The following SCARA3 variants were observed in gnomAD, a reference collection of about 807,000 sequenced individuals.
SCARA3 encodes cellular stress response gene protein.
SCARA3 carries 39 observed loss-of-function variants against 47.0 expected under a neutral mutation model. The ratio of observed to expected loss-of-function variants is 0.83; its 90% confidence interval spans 0.64 to 1.08. The LOEUF (loss-of-function observed/expected upper bound fraction) is 1.08, where lower values mean the gene tolerates loss of function less well. SCARA3 is among the 50% of genes least tolerant of loss of function. The pLI is 0.00. For synonymous variants in SCARA3, 356 were observed against 334.1 expected (o/e 1.07, Z -0.71); for missense variants, 724 against 792.3 (o/e 0.91, Z 1.04).
chr8:27,682,158 C>T, the SCARA3 span, among the ~76,000 whole-genome samples: 2 of 151,982 alleles, frequency 1.3e-5, no homozygotes, highest in African/African-American at 4.8e-5. Context: ...TTTACAAAGG[C>T]ACCAGAAGAA....
At chr8:27,699,490 C>A in the SCARA3 span, among the ~76,000 whole-genome samples, 1 of 152,070 alleles carries the variant, frequency 6.6e-6, no homozygotes. Flanking sequence ...CAGGCGTAAG[C>A]CACTGTGCCA....
At chr8:27,650,006 T>G (rs1335094903) in intron 2 of SCARA3, among the ~76,000 whole-genome samples, 1 of 152,170 alleles carries the variant, frequency 6.6e-6, no homozygotes, top group Non-Finnish European at 1.5e-5. Context: ...ATGTTTTTTT[T>G]TCTTAAAGAC....
the SCARA3 span, among the ~76,000 whole-genome samples, chr8:27,700,006 T>A: frequency 3.7e-3 from 571 of 152,310 alleles, 5 homozygotes; most frequent in African/African-American, 0.013. Flanking sequence ...TTACCTCATA[T>A]AATACACAAA....
At chr8:27,688,566 C>T in the SCARA3 span, among the ~76,000 whole-genome samples, 11 of 151,918 alleles carry the variant, frequency 7.2e-5, no homozygotes, top group Admixed American at 2.0e-4. Context: ...CATGGTGGCA[C>T]GTGCCTATAG....
At chr8:27,732,243 T>C in the SCARA3 span, among the ~76,000 whole-genome samples, 1 of 152,216 alleles carries the variant, frequency 6.6e-6, no homozygotes, top group Non-Finnish European at 1.5e-5. Context: ...TGTGTTTTTT[T>C]TTCAGCGTTA....
chr8:27,634,376 G>T (rs1037696370), intron 1 of SCARA3, among the ~76,000 whole-genome samples, 169 bp downstream of exon 1: 8 of 152,154 alleles, frequency 5.3e-5, no homozygotes, highest in Admixed American at 5.2e-4. Flanking sequence ...GATCCCTGAA[G>T]ACCAGAGGAA....
chr8:27,717,763 A>T, the SCARA3 span, among the ~76,000 whole-genome samples: 1 of 152,144 alleles, frequency 6.6e-6, no homozygotes, highest in Non-Finnish European at 1.5e-5. Flanking sequence ...CCAGCCTGGG[A>T]GACAGAGCGA....
intron 1 of SCARA3, among the ~76,000 whole-genome samples, chr8:27,639,506 G>A (rs536570942): frequency 1.3e-5 from 2 of 152,208 alleles, no homozygotes; most frequent in East Asian, 1.9e-4. Context: ...CAGGTCCTGG[G>A]GGAAGAGTGT....
At chr8:27,675,682 T>A (rs1375146778), downstream of SCARA3, among the ~76,000 whole-genome samples, 2 of 152,108 alleles carry the variant, frequency 1.3e-5, no homozygotes, top group African/African-American at 4.8e-5. Flanking sequence ...CCCAGCTACT[T>A]GGGAAGCTGA....
At chr8:27,707,136 C>T in the SCARA3 span, among the ~76,000 whole-genome samples, 2 of 152,154 alleles carry the variant, frequency 1.3e-5, no homozygotes, top group African/African-American at 4.8e-5. Context: ...AGTCAGTTCT[C>T]CAGCCCCTTC....
the SCARA3 span, among the ~76,000 whole-genome samples, chr8:27,721,235 AATATAC>A: frequency 6.6e-6 from 1 of 152,210 alleles, no homozygotes; most frequent in Admixed American, 6.5e-5. Context: ...GCATTAAATA[AATATAC>A]ATATATATCT....
chr8:27,633,607 C>T (rs1321455245), upstream of SCARA3, among the ~76,000 whole-genome samples: 1 of 152,194 alleles, frequency 6.6e-6, no homozygotes, highest in African/African-American at 2.4e-5. Flanking sequence ...GGTGAGCCCC[C>T]CCATTGCGGC....
the SCARA3 span, among the ~76,000 whole-genome samples, chr8:27,689,843 G>A: frequency 6.6e-6 from 1 of 152,100 alleles, no homozygotes; most frequent in African/African-American, 2.4e-5. Context: ...TTCCTTCTAG[G>A]CTGGGCACGG....
chr8:27,722,033 A>G, the SCARA3 span, among the ~76,000 whole-genome samples: 71 of 152,340 alleles, frequency 4.7e-4, no homozygotes, highest in Middle Eastern at 0.01. Context: ...AGGCTGCAGT[A>G]AGTTAATGAT....
downstream of SCARA3, chr8:27,679,819 G>A (rs1438392483): frequency 2.0e-5 from 3 of 152,158 alleles, no homozygotes; most frequent in Non-Finnish European, 2.9e-5. Context: ...AGAGATACAC[G>A]TCAAATCCAC....
chr8:27,641,466 C>T (rs1283121935), intron 1 of SCARA3, among the ~76,000 whole-genome samples: 1 of 152,250 alleles, frequency 6.6e-6, no homozygotes, highest in African/African-American at 2.4e-5. Flanking sequence ...ATCCAGATGG[C>T]AGGACTTGGC....
the SCARA3 span, among the ~76,000 whole-genome samples, chr8:27,691,323 T>G: frequency 6.0e-4 from 91 of 152,260 alleles, no homozygotes; most frequent in African/African-American, 1.9e-3. Flanking sequence ...CCAGTCTTAC[T>G]TCCTTGGCCA....
At chr8:27,717,682 G>A in the SCARA3 span, among the ~76,000 whole-genome samples, 5 of 152,112 alleles carry the variant, frequency 3.3e-5, no homozygotes, top group Admixed American at 6.5e-5. Context: ...CTACTCGGGA[G>A]GCTGAGGCAG....
the SCARA3 span, chr8:27,703,078 G>C: frequency 4.7e-4 from 72 of 152,504 alleles, no homozygotes; most frequent in African/African-American, 1.5e-3. Flanking sequence ...ATGGAACCCA[G>C]GGCCTCAAGG....
Sources: gnomAD v4.1 joint callset for allele counts (sites outside exome capture counted in the v4.1 genomes callset) on GRCh38, gnomAD v4.1.1 for gene constraint, MANE v1.5 for transcripts, NCBI Gene and HGNC (gene_info 2026-07-23, HGNC 2026-07-21) for gene names.